LAMB4: variants seen among roughly 807,000 people sequenced by gnomAD.
LAMB4 encodes laminin subunit beta-4.
Under a neutral mutation model 199.2 loss-of-function variants are expected in LAMB4, and 196 were observed. The ratio of observed to expected loss-of-function variants is 0.98; its 90% CI spans 0.88 to 1.11. The LOEUF (loss-of-function observed/expected upper bound fraction) is 1.11, where lower values mean the gene tolerates loss of function less well. Among genes scored for constraint, LAMB4 ranks in the 50% least tolerant of loss-of-function variants. LAMB4 has a pLI of 0.00. For missense variants in LAMB4, 2,080 were observed against 2,171.2 expected, an observed-to-expected ratio of 0.96 and a Z score of 0.83; for synonymous variants, 744 against 770.6, an observed-to-expected ratio of 0.97 and a Z score of 0.57.
intron 29 of LAMB4, among the ~76,000 whole-genome samples, chr7:108,042,919 ATC>A (rs142575922): frequency 6.8e-5 from 10 of 146,640 alleles, no homozygotes; most frequent in Admixed American, 4.1e-4. Context: ...CACATTAATC[ATC>A]TCTCTCTCTC....
chr7:108,047,836 G>T, intron 28 of LAMB4, 72 bp downstream of exon 28: 1 of 1,282,592 alleles, frequency 7.8e-7, no homozygotes, highest in Non-Finnish European at 1.1e-6. Context: ...TTATATGGCA[G>T]TTTTATAAAT....
intron 28 of LAMB4, 115 bp downstream of exon 28, chr7:108,047,793 C>G: frequency 2.5e-6 from 2 of 802,620 alleles, no homozygotes; most frequent in Non-Finnish European, 4.1e-6. Context: ...ACAAGAACAC[C>G]AACTATCTAG....
chr7:108,046,161 C>T (rs536186041), intron 28 of LAMB4, among the ~76,000 whole-genome samples: 125 of 151,878 alleles, frequency 8.2e-4, no homozygotes, highest in Non-Finnish European at 1.5e-3. Context: ...CTCTGCCTCC[C>T]GGGTCCCAGC....
At chr7:108,124,716 CCT>C (rs2038719081) in intron 1 of LAMB4, among the ~76,000 whole-genome samples, 2 of 151,474 alleles carry the variant, frequency 1.3e-5, no homozygotes, top group African/African-American at 2.4e-5. Context: ...AAATATAAAA[CCT>C]CTTTCACGTA....
Position 108,049,416 on chromosome 7 carries a change from G to A in LAMB4, c.4032C>T (p.Thr1344=). Residue 1344 remains threonine, a synonymous_variant, in exon 27 of 34, where the codon ACC becomes ACT. Transcript: ENST00000388781. ...TSANTRNDLL[T]ILDTLTSKGN... ...CTTTTGAGGTTAGTGTATCTAAGATGGTAAGTAAGTCATTCCTTGTATTTG... is the reference window on the plus strand; with the variant it reads ...CTTTTGAGGTTAGTGTATCTAAGATAGTAAGTAAGTCATTCCTTGTATTTG... The A allele has an allele frequency of 6.3e-7, 1 of 1,592,474 alleles. No individual in the cohort carries two copies. The highest frequency in any genetic ancestry group is 8.6e-7 in the Non-Finnish European group (1 of 1,161,916).
chr7:108,048,463 G>C (rs961754558), intron 27 of LAMB4, among the ~76,000 whole-genome samples: 3 of 152,108 alleles, frequency 2.0e-5, no homozygotes, highest in African/African-American at 7.2e-5. Flanking sequence ...CTGGCTGTCA[G>C]AACTCTAATG....
chr7:108,062,244 A>T (rs538348008), intron 23 of LAMB4, among the ~76,000 whole-genome samples: 178 of 152,338 alleles, frequency 1.2e-3, no homozygotes, highest in South Asian at 6.4e-3. Flanking sequence ...TTGTATATGA[A>T]ACATTGAAGA....
In LAMB4 at chr7:108,043,545, G is replaced by GTTTTTT. The variant is rs748169558; in HGVS notation, c.4471+201_4471+206dup. Among the ~76,000 whole-genome samples the GTTTTTT allele has an allele frequency of 7.0e-4, 39 of 55,950 alleles. 6 individuals are homozygous for GTTTTTT. Among genetic ancestry groups the GTTTTTT allele is most frequent in the Non-Finnish European group, 1.0e-3 (35 of 34,492 alleles). The allele number at this position is 55,950 out of a possible 152,430, so 36.7% of individuals were successfully genotyped here. ...AATATAATTTGGAACTGGCTATGAT[G>GTTTTTT]TTTTTTTTTTTTTTTTTTTTTTTTT... On this transcript the variant is annotated intron_variant, in intron 29 of 33. Transcript: ENST00000388781.
chr7:108,097,765 G>C (rs1348277825), intron 11 of LAMB4, among the ~76,000 whole-genome samples: 1 of 152,254 alleles, frequency 6.6e-6, no homozygotes, highest in East Asian at 1.9e-4. Context: ...AATTGCCTAA[G>C]ATGACATCAA....
chr7:108,109,076 G>C, intron 5 of LAMB4, 95 bp downstream of exon 5: 3 of 894,912 alleles, frequency 3.4e-6, no homozygotes, highest in Non-Finnish European at 5.5e-6. Flanking sequence ...TTCTGTTTTT[G>C]TTCACTGCAA....
intron 20 of LAMB4, 48 bp from the exon 21 acceptor site, chr7:108,065,967 CAT>C (rs756244238): frequency 1.3e-6 from 2 of 1,557,866 alleles, no homozygotes; most frequent in Admixed American, 1.7e-5. Context: ...GAAAAGATCA[CAT>C]GTTAGCCAAT....
chr7:108,048,497 G>A lies in LAMB4; in HGVS notation c.4123-386C>T, dbSNP rs558510022. On this transcript the variant is annotated intron_variant, in intron 27 of 33. Transcript: ENST00000388781. ...TGCCATCCAGGCTCCTTGAGTCAAGGCACTGCTTTATTCATATGTTTCTTC... is the reference window on the plus strand; with the variant it reads ...TGCCATCCAGGCTCCTTGAGTCAAGACACTGCTTTATTCATATGTTTCTTC... Among the ~76,000 whole-genome samples the A allele has an allele frequency of 5.3e-5, 8 of 152,140 alleles. No homozygotes were observed. In the South Asian group the frequency reaches 1.5e-3, roughly 28 times the overall value.
chr7:108,032,818 C>T (rs964890570), intron 31 of LAMB4, among the ~76,000 whole-genome samples: 2 of 151,900 alleles, frequency 1.3e-5, no homozygotes, highest in Non-Finnish European at 2.9e-5. Flanking sequence ...GTGGCCTTTG[C>T]TTTCTGTCTT....
chr7:108,120,642 G>T (rs910418677), intron 2 of LAMB4, among the ~76,000 whole-genome samples: 2 of 152,172 alleles, frequency 1.3e-5, no homozygotes, highest in Non-Finnish European at 2.9e-5. Context: ...TTGTTTTCCG[G>T]AATTGGTATC....
Position 108,043,848 on chromosome 7 carries a change from G to C in LAMB4, c.4375C>G (p.Gln1459Glu). 1 of 1,608,368 alleles carries C rather than the reference G, an allele frequency of 6.2e-7. No individual in the cohort carries two copies. The highest frequency in any genetic ancestry group is 1.3e-5 in the African/African-American group (1 of 74,658). ...QAEVSKNNAL[Q>E]LREKLGNIRN... ...ATATTTCCCAGTTTTTCCCTCAGCTGTAAGGCATTGTTTTTGGAGACTTCT... is the reference window on the plus strand; with the variant it reads ...ATATTTCCCAGTTTTTCCCTCAGCTCTAAGGCATTGTTTTTGGAGACTTCT... The change falls in exon 29 of 34, where the codon CAG becomes GAG. Residue 1459 changes from glutamine to glutamate, a missense_variant. Coordinates refer to ENST00000388781, the MANE Select transcript of LAMB4 (RefSeq NM_007356.3).
chr7:108,123,161 G>T lies in LAMB4; in HGVS notation c.4C>A (p.Gln2Lys), dbSNP rs1005050858. 8 of 1,610,022 alleles carry T rather than the reference G, an allele frequency of 5.0e-6. No individual in the cohort carries two copies. Among genetic ancestry groups the T allele is most frequent in the African/African-American group, 2.7e-5 (2 of 74,788 alleles). ...TGCAAAAAAAGGGTCAGTTGAAATTGCATTCTTTTGTCAGGAGATGATTAA... is the reference window on the plus strand; with the variant it reads ...TGCAAAAAAAGGGTCAGTTGAAATTTCATTCTTTTGTCAGGAGATGATTAA... M[Q>K]FQLTLFLHLG... Residue 2 changes from glutamine to lysine, a missense_variant, in exon 2 of 34, where the codon CAA (glutamine) becomes AAA (lysine). Transcript: ENST00000388781.
In LAMB4 at chr7:108,047,956, T is replaced by A. The variant is rs747560012; in HGVS notation, c.4278A>T (p.Lys1426Asn). 1 of 1,614,192 alleles carries A rather than the reference T, an allele frequency of 6.2e-7. No homozygotes were observed. Among genetic ancestry groups the A allele is most frequent in the Non-Finnish European group, 8.5e-7 (1 of 1,180,040 alleles). ...TNALQKAQEA[K>N]SIIRNLDKQV... The stretch of plus-strand genomic sequence containing the variant: ...GTTTGTCCAAATTACGAATAATGGA[T>A]TTTGCTTCCTGGGCTTTTTGGAGGG... The change falls in exon 28 of 34, where the codon AAA becomes AAT. Residue 1426 changes from lysine to asparagine, a missense_variant. Lys to Asn is a moderately conservative substitution (Grantham distance 94, BLOSUM62 0). Coordinates refer to ENST00000388781, the MANE Select transcript of LAMB4 (RefSeq NM_007356.3).
In LAMB4 at chr7:108,029,078, G is replaced by C; in HGVS notation, c.5111C>G (p.Ala1704Gly). 6.2e-7 allele frequency: 1 copy of C among 1,613,884 alleles called. No individual in the cohort carries two copies. Among genetic ancestry groups the C allele is most frequent in the Non-Finnish European group, 8.5e-7 (1 of 1,179,920 alleles). Reference protein sequence around the residue: ...KQLKDAAEKLAGDTEAKIRRI... With the variant: ...KQLKDAAEKLGGDTEAKIRRI... The stretch of plus-strand genomic sequence containing the variant: ...TCTTATCTTGGCCTCTGTATCTCCA[G>C]CCAATTTTTCTGCCGCATCTTTTAG... The change falls in exon 33 of 34, where the codon GCT becomes GGT. Residue 1704 changes from alanine to glycine, a missense_variant. Ala to Gly is a moderately conservative substitution (Grantham distance 60, BLOSUM62 0). Transcript: ENST00000388781.
At chr7:108,096,926 ACT>A (rs10589811) in intron 11 of LAMB4, among the ~76,000 whole-genome samples, 36,196 of 130,666 alleles carry the variant, frequency 0.28, 6,084 homozygotes, top group Non-Finnish European at 0.36. Context: ...ACAAAACAAG[ACT>A]CTGTCTCTCT....
Sources: allele counts gnomAD v4.1 joint callset (sites outside exome capture counted in the v4.1 genomes callset), GRCh38; gene constraint gnomAD v4.1.1; transcripts MANE v1.5; gene names NCBI Gene and HGNC (gene_info 2026-07-23, HGNC 2026-07-21).